The following LRRIQ3 variants were observed in gnomAD, a reference collection of about 807,000 sequenced individuals.
LRRIQ3 encodes the protein leucine rich repeats and IQ motif containing 3, also known as leucine-rich repeat and IQ domain-containing protein 3.
A neutral mutation model predicts 59.3 loss-of-function variants in LRRIQ3; 75 were observed. The ratio of observed to expected loss-of-function variants is 1.26; its 90% CI spans 1.05 to 1.53. The LOEUF is 1.53. Ranked by LOEUF, LRRIQ3 falls within the 40% of genes most tolerant of loss-of-function variation. The pLI is 0.00. For missense variants in LRRIQ3, 831 were observed against 710.0 expected (o/e 1.17, Z -1.94); for synonymous variants, 250 against 231.3 (o/e 1.08, Z -0.73).
intron 1 of LRRIQ3, among the ~76,000 whole-genome samples, chr1:74,197,393 T>C (rs1043169061): frequency 1.3e-5 from 2 of 152,208 alleles, no homozygotes; most frequent in African/African-American, 4.8e-5. Flanking sequence ...TAACTCACTA[T>C]TCTCTGATTC....
intron 4 of LRRIQ3, among the ~76,000 whole-genome samples, chr1:74,149,844 G>A (rs1647812588): frequency 6.6e-6 from 1 of 152,072 alleles, no homozygotes; most frequent in Non-Finnish European, 1.5e-5. Context: ...CAAATATTCT[G>A]TGGCAAAAAC....
At chr1:74,040,689 C>T (rs928713693) in intron 7 of LRRIQ3, among the ~76,000 whole-genome samples, 2 of 152,204 alleles carry the variant, frequency 1.3e-5, no homozygotes, top group Non-Finnish European at 2.9e-5. Flanking sequence ...TCCTGAATGA[C>T]TCCTGAGTAA....
chr1:74,196,796 C>A (rs1651180333), intron 1 of LRRIQ3, among the ~76,000 whole-genome samples: 1 of 152,172 alleles, frequency 6.6e-6, no homozygotes, highest in Non-Finnish European at 1.5e-5. Flanking sequence ...CCTGGTCAAG[C>A]CTTCACCAGC....
chr1:74,195,376 T>C (rs1651046798), intron 1 of LRRIQ3, among the ~76,000 whole-genome samples: 2 of 152,188 alleles, frequency 1.3e-5, no homozygotes, highest in South Asian at 4.1e-4. Flanking sequence ...TTCAACTTCC[T>C]CATATAAAGA....
At chr1:74,126,803 G>A (rs1464461507) in intron 4 of LRRIQ3, among the ~76,000 whole-genome samples, 1 of 151,884 alleles carries the variant, frequency 6.6e-6, no homozygotes, top group Non-Finnish European at 1.5e-5. Flanking sequence ...TATGTGCTGA[G>A]AAGAAGCATG....
Position 74,045,099 on chromosome 1 carries a change from T to C in LRRIQ3, c.998-3166A>G, listed in dbSNP as rs192618798. Among the ~76,000 whole-genome samples the C allele has an allele frequency of 2.8e-3, 428 of 152,188 alleles. 1 individual carries two copies. Among genetic ancestry groups the C allele is most frequent in the African/African-American group, 9.8e-3 (405 of 41,524 alleles). ...CAAGAGAAAAAGAGCGAATCCTCCT[T>C]AACTCATTTTATGGGGCAAGCATCA... On this transcript the variant is annotated intron_variant, in intron 6 of 7. Transcript: ENST00000354431.
chr1:74,091,245 C>A (rs1397087556), intron 5 of LRRIQ3, among the ~76,000 whole-genome samples: 2 of 152,096 alleles, frequency 1.3e-5, no homozygotes, highest in Non-Finnish European at 2.9e-5. Context: ...TCCATAAAAT[C>A]TCGAGATTTA....
At chr1:74,089,028 G>T (rs996064000) in intron 5 of LRRIQ3, among the ~76,000 whole-genome samples, 2 of 151,948 alleles carry the variant, frequency 1.3e-5, no homozygotes, top group Non-Finnish European at 2.9e-5. Flanking sequence ...CTCCATAGAA[G>T]ATATATAAAG....
At chr1:74,104,608 A>G (rs755619735) in intron 5 of LRRIQ3, among the ~76,000 whole-genome samples, 6 of 152,072 alleles carry the variant, frequency 3.9e-5, no homozygotes, top group Non-Finnish European at 8.8e-5. Context: ...GATTTCAACT[A>G]TACGACATTT....
chr1:74,151,511 C>G (rs1647958257), intron 4 of LRRIQ3, among the ~76,000 whole-genome samples: 2 of 143,780 alleles, frequency 1.4e-5, no homozygotes, highest in South Asian at 4.3e-4. Context: ...GCTGTGTTAG[C>G]AATTATTCAG....
At chr1:74,152,719 A>G (rs1422603560) in intron 4 of LRRIQ3, among the ~76,000 whole-genome samples, 3 of 152,196 alleles carry the variant, frequency 2.0e-5, no homozygotes, top group Admixed American at 6.5e-5. Context: ...TAGTTTCTAG[A>G]TCTTACTTTC....
intron 4 of LRRIQ3, among the ~76,000 whole-genome samples, chr1:74,129,218 G>A (rs901032507): frequency 1.3e-5 from 2 of 151,976 alleles, no homozygotes; most frequent in African/African-American, 4.8e-5. Flanking sequence ...TTGGTCCCAG[G>A]TAGGTCAAGA....
At chr1:74,038,746 T>TA (rs1653949595) in intron 7 of LRRIQ3, among the ~76,000 whole-genome samples, 1 of 151,836 alleles carries the variant, frequency 6.6e-6, no homozygotes, top group African/African-American at 2.4e-5. Context: ...ACCATTGAAA[T>TA]AAAAACAATC....
At chr1:74,156,752 T>G (rs1433086674) in intron 3 of LRRIQ3, among the ~76,000 whole-genome samples, 2 of 152,182 alleles carry the variant, frequency 1.3e-5, no homozygotes, top group African/African-American at 2.4e-5. Flanking sequence ...GCAAATTATC[T>G]TGGAAAAGAT....
intron 4 of LRRIQ3, among the ~76,000 whole-genome samples, chr1:74,135,635 T>C (rs1485342088): frequency 1.3e-5 from 2 of 151,912 alleles, no homozygotes; most frequent in Non-Finnish European, 2.9e-5. Flanking sequence ...ATTTATTATT[T>C]CTCCATAACC....
At chr1:74,127,987 A>G (rs1422873218) in intron 4 of LRRIQ3, among the ~76,000 whole-genome samples, 1 of 152,010 alleles carries the variant, frequency 6.6e-6, no homozygotes, top group Non-Finnish European at 1.5e-5. Context: ...TTTACTGGAC[A>G]TACTATTCTA....
chr1:74,124,853 G>T (rs1365610308), intron 4 of LRRIQ3, among the ~76,000 whole-genome samples: 2 of 151,806 alleles, frequency 1.3e-5, no homozygotes, highest in African/African-American at 2.4e-5. Context: ...GTCATTTGTG[G>T]TTCCATAAAA....
chr1:74,126,827 C>T (rs1646942254), intron 4 of LRRIQ3, among the ~76,000 whole-genome samples: 1 of 151,830 alleles, frequency 6.6e-6, no homozygotes. Context: ...ATTCAGCAGC[C>T]ACTGGATGAA....
intron 4 of LRRIQ3, among the ~76,000 whole-genome samples, chr1:74,153,452 C>T (rs1421049749): frequency 6.6e-6 from 1 of 152,116 alleles, no homozygotes; most frequent in Non-Finnish European, 1.5e-5. Context: ...TCTATAGTTG[C>T]CTCTCAGGGG....
Sources: gnomAD v4.1 joint callset for allele counts (sites outside exome capture counted in the v4.1 genomes callset) on GRCh38, gnomAD v4.1.1 for gene constraint, MANE v1.5 for transcripts, NCBI Gene and HGNC (gene_info 2026-07-23, HGNC 2026-07-21) for gene names.